SH3PXD2B: variants seen among roughly 807,000 people sequenced by gnomAD.
SH3PXD2B encodes SH3 and PX domain-containing protein 2B.
In SH3PXD2B, 37 loss-of-function variants were observed where a neutral mutation model predicts 73.1. The observed-to-expected ratio is 0.51, with a 90% CI of 0.39 to 0.67. The LOEUF (loss-of-function observed/expected upper bound fraction) is 0.67. Among genes scored for constraint, SH3PXD2B ranks in the 30% least tolerant of loss-of-function variants. The pLI, the probability that SH3PXD2B is intolerant of heterozygous loss-of-function variation, is 0.00. For synonymous variants in SH3PXD2B, 457 were observed against 480.5 expected (o/e 0.95, Z 0.64); for missense variants, 1,053 against 1,197.8 (o/e 0.88, Z 1.78).
At chr5:172,382,831 C>T (rs951174267) in intron 4 of SH3PXD2B, among the ~76,000 whole-genome samples, 8 of 151,896 alleles carry the variant, frequency 5.3e-5, no homozygotes, top group African/African-American at 1.7e-4. Flanking sequence ...TGGGTTCAAG[C>T]GATTTTTGTG....
At chr5:172,374,219 T>C (rs1757773220) in intron 5 of SH3PXD2B, among the ~76,000 whole-genome samples, 4 of 152,150 alleles carry the variant, frequency 2.6e-5, no homozygotes, top group Admixed American at 2.6e-4. Flanking sequence ...CAGAAAGTGC[T>C]TGGCAGTAAG....
At chr5:172,373,912 C>T in intron 5 of SH3PXD2B, 97 bp from the exon 6 acceptor site, 1 of 1,315,256 alleles carries the variant, frequency 7.6e-7, no homozygotes, top group Non-Finnish European at 1.1e-6. Flanking sequence ...TTCTCCACCC[C>T]CCACAACATC....
intron 1 of SH3PXD2B, among the ~76,000 whole-genome samples, chr5:172,452,639 C>T (rs914152979): frequency 3.3e-5 from 5 of 152,084 alleles, no homozygotes; most frequent in African/African-American, 9.7e-5. Context: ...GGCGCGTGGA[C>T]GATGATGGCC....
chr5:172,444,738 G>C (rs1452763134), intron 1 of SH3PXD2B, among the ~76,000 whole-genome samples: 1 of 152,102 alleles, frequency 6.6e-6, no homozygotes, highest in Non-Finnish European at 1.5e-5. Flanking sequence ...CTGCTCCCTG[G>C]ATTCACCCAT....
intron 1 of SH3PXD2B, among the ~76,000 whole-genome samples, chr5:172,422,936 C>A (rs926514022): frequency 6.6e-6 from 1 of 152,208 alleles, no homozygotes; most frequent in East Asian, 1.9e-4. Flanking sequence ...CTGTCTCCAC[C>A]GACGAGGACC....
intron 1 of SH3PXD2B, among the ~76,000 whole-genome samples, chr5:172,435,394 T>C (rs902309263): frequency 6.6e-6 from 1 of 151,928 alleles, no homozygotes; most frequent in South Asian, 2.1e-4. Context: ...GTTAGTGGAA[T>C]TCCTTGCCAT....
At chr5:172,348,657 A>ATCTATCTATCTATCTGTCTG (rs1757063449) in intron 10 of SH3PXD2B, among the ~76,000 whole-genome samples, 1 of 37,426 alleles carries the variant, frequency 2.7e-5, no homozygotes, top group African/African-American at 8.0e-5. Flanking sequence ...TATCTATCCT[A>ATCTATCTATCTATCTGTCTG]TCTATCTATC....
At position 172,366,089 on chromosome 5, in the gene SH3PXD2B, CAA is replaced by C. The variant is rs1271579393; in HGVS notation, c.428-3222_428-3221del. Among the ~76,000 whole-genome samples, 3 of 152,328 alleles carry C rather than the reference CAA, an allele frequency of 2.0e-5. No homozygotes were observed. In the East Asian group the frequency reaches 5.8e-4, roughly 29 times the overall value. On this transcript the variant is annotated intron_variant, in intron 6 of 12. Coordinates refer to ENST00000311601, the MANE Select transcript of SH3PXD2B (RefSeq NM_001017995.3). The stretch of plus-strand genomic sequence containing the variant: ...TGCACCTGCTGCCCAGGTTAATGCT[CAA>C]AGAGACATGCCCACGTCTTCCAGGC...
chr5:172,413,187 G>A (rs1387977479), intron 2 of SH3PXD2B, among the ~76,000 whole-genome samples: 1 of 152,242 alleles, frequency 6.6e-6, no homozygotes, highest in African/African-American at 2.4e-5. Context: ...GCAGCTGCAG[G>A]CTGGCAGAAA....
chr5:172,334,125 C>A lies in SH3PXD2B; in HGVS notation c.*4244G>T. The A allele has an allele frequency of 1.8e-6, 2 of 1,103,256 alleles. No homozygotes were observed. Among genetic ancestry groups the A allele is most frequent in the South Asian group, 2.2e-5 (1 of 44,658 alleles). The allele number at this position is 1,103,256 out of a possible 1,614,324, so 68.3% of individuals were successfully genotyped here. ...GAGCTAAGAAGGCTTACTTTGGAGT[C>A]GAGGATAGAAACGGGAAGATGGAAT... On this transcript the variant is annotated 3_prime_UTR_variant, in exon 13 of 13. Coordinates refer to ENST00000311601, the MANE Select transcript of SH3PXD2B (RefSeq NM_001017995.3).
At position 172,354,097 on chromosome 5, in the gene SH3PXD2B, G is replaced by C; in HGVS notation, c.668-92C>G. On this transcript the variant is annotated intron_variant, in intron 8 of 12. Transcript: ENST00000311601. ...GTGATGCCCTTGCCCGTCGGAGGGAGGATTTCCTTCAGAGATTTCTGGGCA... is the reference window on the plus strand; with the variant it reads ...GTGATGCCCTTGCCCGTCGGAGGGACGATTTCCTTCAGAGATTTCTGGGCA... 4.7e-6 allele frequency: 6 copies of C among 1,272,238 alleles called. No homozygotes were observed. The South Asian group carries it at 4.8e-5, about 10-fold the overall frequency. The allele number at this position is 1,272,238 out of a possible 1,614,324, so 78.8% of individuals were successfully genotyped here. A position where few individuals can be genotyped will look rare whatever the true frequency, so the allele number is the denominator to read the frequency against.
intron 3 of SH3PXD2B, among the ~76,000 whole-genome samples, chr5:172,398,350 C>G (rs1251861824): frequency 6.6e-6 from 1 of 152,140 alleles, no homozygotes; most frequent in Non-Finnish European, 1.5e-5. Context: ...TAGTCAGGAG[C>G]CTGCAGTTCA....
chr5:172,344,955 A>G (rs943536700), intron 12 of SH3PXD2B, among the ~76,000 whole-genome samples: 1 of 150,866 alleles, frequency 6.6e-6, no homozygotes, highest in Non-Finnish European at 1.5e-5. Flanking sequence ...AGGATGGAGG[A>G]AAGGAAGGAA....
intron 1 of SH3PXD2B, among the ~76,000 whole-genome samples, chr5:172,450,798 C>T (rs1383960846): frequency 6.6e-6 from 1 of 152,082 alleles, no homozygotes; most frequent in African/African-American, 2.4e-5. Flanking sequence ...GGAGGGTCTC[C>T]CAGGATGTCA....
At chr5:172,450,703 C>T (rs1429668363) in intron 1 of SH3PXD2B, among the ~76,000 whole-genome samples, 5 of 151,970 alleles carry the variant, frequency 3.3e-5, no homozygotes, top group South Asian at 4.2e-4. Flanking sequence ...CTCTCCAGTG[C>T]GGGAAATGGG....
chr5:172,353,403 C>T lies in SH3PXD2B; in HGVS notation c.785+485G>A, dbSNP rs1370136313. ...TGCCTGGGAGGCTCTGATATCATCA[C>T]ATAGGTGAAAGGGCTGTGAAAGGTG... On this transcript the variant is annotated intron_variant, in intron 9 of 12. Transcript: ENST00000311601. The surrounding 1 kb of genome is among the most constrained non-coding windows in gnomAD (Gnocchi z 4.3). Among the ~76,000 whole-genome samples the T allele has an allele frequency of 6.6e-6, 1 of 152,226 alleles. No homozygotes were observed. Among genetic ancestry groups the T allele is most frequent in the Non-Finnish European group, 1.5e-5 (1 of 68,042 alleles).
chr5:172,428,404 G>A (rs951012250), intron 1 of SH3PXD2B, among the ~76,000 whole-genome samples: 35 of 152,258 alleles, frequency 2.3e-4, no homozygotes, highest in African/African-American at 7.9e-4. Flanking sequence ...GAATGGCTAC[G>A]ATTAAAAAAT....
rs1327819031 is a variant in SH3PXD2B, at chr5:172,353,876, A to T, written c.785+12T>A. 6.2e-7 allele frequency: 1 copy of T among 1,607,886 alleles called. No homozygotes were observed. Among genetic ancestry groups the T allele is most frequent in the Non-Finnish European group, 8.5e-7 (1 of 1,175,090 alleles). ...AACCCACCCAGCAACCGTGGGGGGC[A>T]GCGGCTGGTACCTGATCTTCCACCA... On this transcript the variant is annotated intron_variant, in intron 9 of 12. Transcript: ENST00000311601. The surrounding 1 kb of genome is among the most constrained non-coding windows in gnomAD (Gnocchi z 4.3).
intron 8 of SH3PXD2B, among the ~76,000 whole-genome samples, chr5:172,355,156 T>C (rs915418790): frequency 8.5e-5 from 13 of 152,276 alleles, no homozygotes; most frequent in African/African-American, 3.1e-4. Flanking sequence ...ATGGTTAATA[T>C]GCTGCTGCAG....
Sources: allele counts gnomAD v4.1 joint callset (sites outside exome capture counted in the v4.1 genomes callset), GRCh38; gene constraint gnomAD v4.1.1; non-coding constraint Gnocchi (gnomAD v3.1); transcripts MANE v1.5; gene names NCBI Gene and HGNC (gene_info 2026-07-23, HGNC 2026-07-21).